PDE7B: variants seen among roughly 807,000 people sequenced by gnomAD.
PDE7B encodes the protein 3',5'-cyclic-AMP phosphodiesterase 7B.
Under a neutral mutation model 56.2 loss-of-function variants are expected in PDE7B, and 29 were observed. The ratio of observed to expected loss-of-function variants is 0.52; its 90% CI spans 0.38 to 0.70. The LOEUF (loss-of-function observed/expected upper bound fraction) is 0.70. Among genes scored for constraint, PDE7B ranks in the 30% least tolerant of loss-of-function variants. PDE7B has a pLI of 0.00. For synonymous variants in PDE7B, 197 were observed against 196.9 expected, an observed-to-expected ratio of 1.00 and a Z score of 0.00; for missense variants, 490 against 565.0, an observed-to-expected ratio of 0.87 and a Z score of 1.35.
chr6:135,959,813 A>G (rs9389349), intron 2 of PDE7B, among the ~76,000 whole-genome samples: 56,531 of 151,850 alleles, frequency 0.37, 10,775 homozygotes, highest in Admixed American at 0.52. Context: ...TCAGTTTGTT[A>G]CCCAGGCTGA....
chr6:136,051,308 G>A (rs1776622996), intron 2 of PDE7B, among the ~76,000 whole-genome samples: 1 of 152,152 alleles, frequency 6.6e-6, no homozygotes, highest in Non-Finnish European at 1.5e-5. Flanking sequence ...AAGAAAAGCT[G>A]TAATCATAAG....
chr6:136,051,418 T>C (rs982485908), intron 2 of PDE7B, among the ~76,000 whole-genome samples: 4 of 152,220 alleles, frequency 2.6e-5, no homozygotes, highest in Non-Finnish European at 5.9e-5. Context: ...ATACCCACAG[T>C]GCATCTTCAA....
At position 136,035,820 on chromosome 6, in the gene PDE7B, T is replaced by A. The variant is rs530638052; in HGVS notation, c.83-72911T>A. Among the ~76,000 whole-genome samples the A allele has an allele frequency of 4.0e-3, 607 of 152,304 alleles. 11 individuals are homozygous for A. The highest frequency in any genetic ancestry group is 0.035 in the South Asian group (170 of 4,832). Reference sequence around the variant, plus strand: ...GAAATGTATATCCTTGGATTTTTTTTAAAAAGTCATTCTTGAAGAAATGAA... The same window carrying A: ...GAAATGTATATCCTTGGATTTTTTTAAAAAAGTCATTCTTGAAGAAATGAA... On this transcript the variant is annotated intron_variant, in intron 2 of 12. Transcript: ENST00000308191.
intron 9 of PDE7B, among the ~76,000 whole-genome samples, chr6:136,176,895 T>C (rs1221574641): frequency 6.6e-6 from 1 of 152,202 alleles, no homozygotes; most frequent in Non-Finnish European, 1.5e-5. Context: ...GTGGTTTTAA[T>C]TTGCTTTCTG....
chr6:135,994,762 A>G (rs903056233), intron 2 of PDE7B, among the ~76,000 whole-genome samples: 2 of 152,244 alleles, frequency 1.3e-5, no homozygotes, highest in African/African-American at 4.8e-5. Context: ...AACTCCTCAT[A>G]ATAACTACAA....
At chr6:136,138,481 C>T (rs1160833308) in intron 3 of PDE7B, among the ~76,000 whole-genome samples, 2 of 152,034 alleles carry the variant, frequency 1.3e-5, no homozygotes, top group Non-Finnish European at 2.9e-5. Flanking sequence ...AAATAACACT[C>T]GATAAGTTAT....
Position 136,154,992 on chromosome 6 carries a change from G to A in PDE7B, c.580-635G>A, listed in dbSNP as rs115750095. Among the ~76,000 whole-genome samples, 404 of 152,262 alleles carry A rather than the reference G, an allele frequency of 2.7e-3. 4 individuals are homozygous for A. Among genetic ancestry groups the A allele is most frequent in the African/African-American group, 9.0e-3 (374 of 41,554 alleles). ...ATATCCCAAGGACATTAATGGCTCT[G>A]TTTTTTAATTTCCAAGTAGTCTAAA... is the stretch of plus-strand genomic sequence containing the variant. On this transcript the variant is annotated intron_variant, in intron 7 of 12. Transcript: ENST00000308191.
At chr6:135,913,403 A>C (rs1776244132) in intron 1 of PDE7B, among the ~76,000 whole-genome samples, 1 of 151,174 alleles carries the variant, frequency 6.6e-6, no homozygotes, top group Non-Finnish European at 1.5e-5. Context: ...CTTTTGACCC[A>C]CTCCTTTATT....
At chr6:135,875,057 G>T (rs1000349795) in intron 1 of PDE7B, among the ~76,000 whole-genome samples, 3 of 150,948 alleles carry the variant, frequency 2.0e-5, no homozygotes, top group Non-Finnish European at 3.0e-5. Context: ...TTCTCTTTTG[G>T]TTACAGTTTT....
intron 1 of PDE7B, among the ~76,000 whole-genome samples, chr6:135,906,806 G>GTTTTTT (rs1383346069): frequency 1.2e-4 from 4 of 32,432 alleles, no homozygotes; most frequent in South Asian, 1.6e-3. Flanking sequence ...TGTTAATGAG[G>GTTTTTT]TTTGTTTTTT....
chr6:135,956,813 GAGAGAAAGGAAAGAA>G (rs965597224), intron 2 of PDE7B, among the ~76,000 whole-genome samples: 16 of 149,390 alleles, frequency 1.1e-4, no homozygotes, highest in South Asian at 2.1e-4. Context: ...GAAAGAGCAA[GAGAGAAAGGAAAGAA>G]AGAGAAAGGA....
At chr6:136,154,509 C>A (rs1386340791) in intron 7 of PDE7B, among the ~76,000 whole-genome samples, 1 of 151,650 alleles carries the variant, frequency 6.6e-6, no homozygotes, top group Non-Finnish European at 1.5e-5. Context: ...TAGATCTTTG[C>A]CACAAACAGC....
intron 2 of PDE7B, among the ~76,000 whole-genome samples, chr6:135,972,303 T>C (rs986646592): frequency 7.0e-6 from 1 of 143,446 alleles, no homozygotes; most frequent in South Asian, 2.3e-4. Flanking sequence ...ATGCAACTCA[T>C]GGGTCATGAG....
intron 1 of PDE7B, among the ~76,000 whole-genome samples, chr6:135,899,526 G>A (rs1775962620): frequency 6.6e-6 from 1 of 151,560 alleles, no homozygotes; most frequent in African/African-American, 2.4e-5. Flanking sequence ...GTTTTTCTGT[G>A]ATTACTTGTA....
Position 136,178,993 on chromosome 6 carries a change from G to A in PDE7B, c.804-4G>A. 1.2e-6 allele frequency: 2 copies of A among 1,614,036 alleles called. No homozygotes were observed. Among genetic ancestry groups the A allele is most frequent in the Non-Finnish European group, 1.7e-6 (2 of 1,179,918 alleles). On this transcript the variant is annotated splice_region_variant and splice_polypyrimidine_tract_variant and intron_variant, in intron 9 of 12. Coordinates refer to ENST00000308191, the MANE Select transcript of PDE7B (RefSeq NM_018945.4). ...GTTTTTCTCTTTCATTCTTGTGGATGCAGACAGGATATTGAACAGCAGCTG... is the reference window on the plus strand; with the variant it reads ...GTTTTTCTCTTTCATTCTTGTGGATACAGACAGGATATTGAACAGCAGCTG...
chr6:136,080,142 C>A (rs1484071416), intron 2 of PDE7B, among the ~76,000 whole-genome samples: 1 of 152,154 alleles, frequency 6.6e-6, no homozygotes, highest in African/African-American at 2.4e-5. Flanking sequence ...ACCCTCTCCC[C>A]CTTTTGGGTT....
intron 2 of PDE7B, among the ~76,000 whole-genome samples, chr6:135,958,077 A>C (rs577019872): frequency 6.6e-6 from 1 of 152,238 alleles, no homozygotes; most frequent in Non-Finnish European, 1.5e-5. Context: ...ACTAAAATAC[A>C]AAAAACTAGC....
intron 2 of PDE7B, among the ~76,000 whole-genome samples, chr6:136,057,163 C>T (rs998132742): frequency 6.6e-6 from 1 of 152,182 alleles, no homozygotes; most frequent in Admixed American, 6.5e-5. Context: ...GATGTACATG[C>T]TAATGGTTAT....
intron 2 of PDE7B, among the ~76,000 whole-genome samples, chr6:135,989,643 T>A (rs1775446480): frequency 6.6e-6 from 1 of 151,780 alleles, no homozygotes; most frequent in Admixed American, 6.6e-5. Flanking sequence ...AATAATAAAT[T>A]TATGTAATCA....
Sources: gnomAD v4.1 joint callset for allele counts (sites outside exome capture counted in the v4.1 genomes callset) on GRCh38, gnomAD v4.1.1 for gene constraint, MANE v1.5 for transcripts, NCBI Gene and HGNC (gene_info 2026-07-23, HGNC 2026-07-21) for gene names.